The following RPS6KC1 variants were observed in gnomAD, a reference collection of about 807,000 sequenced individuals.
RPS6KC1 encodes ribosomal protein S6 kinase C1, also known as inactive ribosomal protein S6 kinase delta-1.
In RPS6KC1, 54 loss-of-function variants were observed where a neutral mutation model predicts 103.8. That is an observed-to-expected ratio of 0.52 (90% CI 0.42 to 0.65). The LOEUF (loss-of-function observed/expected upper bound fraction) is 0.65. Ranked by LOEUF, RPS6KC1 falls within the 30% of genes least tolerant of loss-of-function variation. RPS6KC1 has a pLI of 0.00. For missense variants in RPS6KC1, 1,151 were observed against 1,253.8 expected (o/e 0.92, Z 1.24); for synonymous variants, 439 against 438.7 (o/e 1.00, Z -0.01).
the RPS6KC1 span, among the ~76,000 whole-genome samples, chr1:213,282,561 T>G: frequency 6.6e-6 from 1 of 152,248 alleles, no homozygotes; most frequent in Admixed American, 6.5e-5. Flanking sequence ...AAAACTCAGC[T>G]CTTCCGTTTC....
At chr1:213,464,309 A>G in the RPS6KC1 span, among the ~76,000 whole-genome samples, 2 of 152,186 alleles carry the variant, frequency 1.3e-5, no homozygotes, top group African/African-American at 2.4e-5. Context: ...TCCAAAGTTT[A>G]TTGGTTTATT....
At chr1:213,329,407 T>A in the RPS6KC1 span, among the ~76,000 whole-genome samples, 1 of 152,036 alleles carries the variant, frequency 6.6e-6, no homozygotes, top group Non-Finnish European at 1.5e-5. Flanking sequence ...CCAGACCATC[T>A]AATCCCTTAT....
chr1:213,841,016 T>A, the RPS6KC1 span: 1 of 152,240 alleles, frequency 6.6e-6, no homozygotes, highest in Non-Finnish European at 1.5e-5. Context: ...TCTTTTAGGC[T>A]GCCCCTCTCT....
chr1:213,374,994 TACACACATACATAC>T, the RPS6KC1 span, among the ~76,000 whole-genome samples: 1 of 151,826 alleles, frequency 6.6e-6, no homozygotes, highest in East Asian at 1.9e-4. Context: ...CACACACATA[TACACACATACATAC>T]ACACACATAC....
chr1:213,158,544 AG>A (rs2148042693), intron 6 of RPS6KC1, among the ~76,000 whole-genome samples: 1 of 152,376 alleles, frequency 6.6e-6, no homozygotes, highest in Non-Finnish European at 1.5e-5. Context: ...GCTAATATTC[AG>A]GGAAAGCAAA....
chr1:213,267,031 AG>A, intron 14 of RPS6KC1, among the ~76,000 whole-genome samples: 1 of 151,922 alleles, frequency 6.6e-6, no homozygotes. Flanking sequence ...TCAGGTGCAA[AG>A]GTTCTGCCAG....
At chr1:213,524,069 A>G in the RPS6KC1 span, among the ~76,000 whole-genome samples, 1 of 152,162 alleles carries the variant, frequency 6.6e-6, no homozygotes, top group Non-Finnish European at 1.5e-5. Flanking sequence ...GGCAGGAAAA[A>G]GCTGCAGTAT....
chr1:213,568,453 A>G, the RPS6KC1 span, among the ~76,000 whole-genome samples: 2 of 152,366 alleles, frequency 1.3e-5, no homozygotes, highest in South Asian at 2.1e-4. Flanking sequence ...ATTCAAGGAC[A>G]TATGGAATAA....
At chr1:213,615,524 G>C in the RPS6KC1 span, among the ~76,000 whole-genome samples, 3 of 152,256 alleles carry the variant, frequency 2.0e-5, no homozygotes, top group Non-Finnish European at 4.4e-5. Flanking sequence ...CAGGCTGGTT[G>C]TGGCTGAGGC....
At chr1:213,205,960 A>C (rs1316775699) in intron 8 of RPS6KC1, among the ~76,000 whole-genome samples, 2 of 152,134 alleles carry the variant, frequency 1.3e-5, no homozygotes, top group Admixed American at 1.3e-4. Flanking sequence ...TTTCCTTTGA[A>C]CATCATGTTG....
the RPS6KC1 span, among the ~76,000 whole-genome samples, chr1:213,597,918 T>C: frequency 2.6e-5 from 4 of 152,324 alleles, no homozygotes; most frequent in Admixed American, 1.3e-4. Flanking sequence ...GGCACTTGCC[T>C]GACTCAGAGT....
intron 3 of RPS6KC1, among the ~76,000 whole-genome samples, chr1:213,081,950 C>T (rs1031169385): frequency 7.2e-5 from 11 of 152,146 alleles, no homozygotes; most frequent in Admixed American, 3.9e-4. Flanking sequence ...AATTCCTGAC[C>T]CTCAGAGACT....
chr1:213,807,284 G>C, the RPS6KC1 span, among the ~76,000 whole-genome samples: 3 of 152,084 alleles, frequency 2.0e-5, no homozygotes, highest in Admixed American at 1.3e-4. Flanking sequence ...CGAGGAGTAT[G>C]TTTGTGGCGT....
At chr1:213,852,139 T>TA in the RPS6KC1 span, among the ~76,000 whole-genome samples, 2,331 of 151,408 alleles carry the variant, frequency 0.015, 71 homozygotes, top group East Asian at 0.14. Context: ...AGACCTTCTT[T>TA]AAAAAAAAAG....
At chr1:213,329,285 A>C in the RPS6KC1 span, among the ~76,000 whole-genome samples, 1 of 152,130 alleles carries the variant, frequency 6.6e-6, no homozygotes, top group Non-Finnish European at 1.5e-5. Flanking sequence ...CCATGGAGTC[A>C]CAGATTTATT....
chr1:213,714,613 G>A, the RPS6KC1 span, among the ~76,000 whole-genome samples: 2 of 152,218 alleles, frequency 1.3e-5, no homozygotes, highest in Non-Finnish European at 2.9e-5. Context: ...ATTGTGAACT[G>A]TGTGGAAGTT....
At chr1:213,272,041 G>A (rs559165891) in intron 14 of RPS6KC1, among the ~76,000 whole-genome samples, 6 of 152,218 alleles carry the variant, frequency 3.9e-5, no homozygotes, top group Admixed American at 1.3e-4. Flanking sequence ...AAAGACTAGT[G>A]ATTTTGGAAT....
chr1:213,125,626 T>TTGTGTGTGTGTGTGTG (rs5780709), intron 5 of RPS6KC1: 3 of 145,816 alleles, frequency 2.1e-5, no homozygotes, highest in African/African-American at 7.6e-5. Context: ...TTTTATCTGC[T>TTGTGTGTGTGTGTGTG]TGTGTGTGTG....
chr1:213,712,933 T>A, the RPS6KC1 span, among the ~76,000 whole-genome samples: 2,514 of 152,232 alleles, frequency 0.017, 45 homozygotes, highest in African/African-American at 0.047. Context: ...CGCTGGGAGC[T>A]GCAGACTGGA....
Sources: gnomAD v4.1 joint callset for allele counts (sites outside exome capture counted in the v4.1 genomes callset) on GRCh38, gnomAD v4.1.1 for gene constraint, MANE v1.5 for transcripts, NCBI Gene and HGNC (gene_info 2026-07-23, HGNC 2026-07-21) for gene names.